LARGE1: variants seen among roughly 807,000 people sequenced by gnomAD.
The protein encoded by LARGE1 is xylosyl- and glucuronyltransferase LARGE1.
A neutral mutation model predicts 87.6 loss-of-function variants in LARGE1; 43 were observed. The ratio of observed to expected loss-of-function variants is 0.49; its 90% CI spans 0.38 to 0.63. The LOEUF (loss-of-function observed/expected upper bound fraction) is 0.63. Among genes scored for constraint, LARGE1 ranks in the 30% least tolerant of loss-of-function variants. LARGE1 has a pLI of 0.00. For missense variants in LARGE1, 802 were observed against 1,000.2 expected (o/e 0.80, Z 2.67); for synonymous variants, 434 against 394.6 (o/e 1.10, Z -1.18).
chr22:33,326,318 T>A (rs897331461), intron 10 of LARGE1, among the ~76,000 whole-genome samples: 2 of 152,204 alleles, frequency 1.3e-5, no homozygotes, highest in African/African-American at 4.8e-5. Flanking sequence ...TGCCAAGTCT[T>A]GTGCTAGGAA....
intron 1 of LARGE1, among the ~76,000 whole-genome samples, chr22:33,837,418 A>G (rs2146381846): frequency 6.6e-6 from 1 of 152,246 alleles, no homozygotes; most frequent in Non-Finnish European, 1.5e-5. Context: ...CTGCAACATT[A>G]CGAATTTTTT....
intron 2 of LARGE1, chr22:33,743,060 CG>C (rs769348824): frequency 3.3e-5 from 5 of 152,040 alleles, no homozygotes; most frequent in Non-Finnish European, 7.3e-5. Context: ...GGCACCTCCC[CG>C]TATTCTCTCT....
chr22:33,856,339 TG>T (rs1673833062), intron 1 of LARGE1, among the ~76,000 whole-genome samples: 1 of 151,772 alleles, frequency 6.6e-6, no homozygotes, highest in Admixed American at 6.6e-5. Flanking sequence ...GGGTGGGTGG[TG>T]GGTCTAAGCA....
At position 33,463,473 on chromosome 22, in the gene LARGE1, A is replaced by G. The variant is rs532426762; in HGVS notation, c.788-31208T>C. Among the ~76,000 whole-genome samples the G allele has an allele frequency of 8.5e-5, 13 of 152,326 alleles. No individual in the cohort carries two copies. In the South Asian group the frequency reaches 2.7e-3, roughly 32 times the overall value. On this transcript the variant is annotated intron_variant, in intron 6 of 14. Transcript: ENST00000397394. ...GATATTAAAGAACAAATAAAATAAT[A>G]ACAAATCAGGTTTATAGATAGGAAG...
intron 4 of LARGE1, among the ~76,000 whole-genome samples, chr22:33,621,370 A>G (rs1484541078): frequency 1.3e-5 from 2 of 152,202 alleles, no homozygotes; most frequent in Admixed American, 6.5e-5. Context: ...CAGCGTTGGC[A>G]TTAGTGTGCA....
the LARGE1 span, among the ~76,000 whole-genome samples, chr22:33,099,083 C>T: frequency 3.1e-3 from 475 of 152,228 alleles, 4 homozygotes; most frequent in African/African-American, 0.011. Context: ...CTGTTTCTCT[C>T]CTCTTAATCT....
At chr22:33,079,221 CT>C in the LARGE1 span, among the ~76,000 whole-genome samples, 5,214 of 85,728 alleles carry the variant, frequency 0.061, 317 homozygotes, top group African/African-American at 0.22. Flanking sequence ...AGTTATCATT[CT>C]TTTTTTTTTT....
chr22:33,679,542 T>C (rs1197126011), intron 2 of LARGE1, among the ~76,000 whole-genome samples: 3 of 151,966 alleles, frequency 2.0e-5, no homozygotes, highest in Admixed American at 2.0e-4. Context: ...GCCAAAGAAC[T>C]ATCAGAAGTT....
At chr22:33,636,729 G>A (rs944127123) in intron 3 of LARGE1, among the ~76,000 whole-genome samples, 4 of 151,570 alleles carry the variant, frequency 2.6e-5, no homozygotes, top group African/African-American at 4.9e-5. Flanking sequence ...ATGGGGTCTC[G>A]CTATGTTGCC....
intron 11 of LARGE1, among the ~76,000 whole-genome samples, chr22:33,210,074 G>A (rs9609747): frequency 0.016 from 2,373 of 152,316 alleles, 24 homozygotes; most frequent in Non-Finnish European, 0.025. Context: ...CCAGGCATCA[G>A]TTTTTTTAAA....
intron 11 of LARGE1, among the ~76,000 whole-genome samples, chr22:33,167,609 A>C (rs1447377553): frequency 6.6e-6 from 1 of 152,202 alleles, no homozygotes; most frequent in East Asian, 1.9e-4. Context: ...TCGAGATTCA[A>C]AGAAGTAATC....
At chr22:33,901,347 C>T (rs1268550260) in intron 1 of LARGE1, among the ~76,000 whole-genome samples, 1 of 152,160 alleles carries the variant, frequency 6.6e-6, no homozygotes, top group African/African-American at 2.4e-5. Flanking sequence ...GCACGTGGTA[C>T]ATTGTTACGG....
chr22:33,638,757 T>C (rs2080343904), intron 3 of LARGE1, among the ~76,000 whole-genome samples: 1 of 152,258 alleles, frequency 6.6e-6, no homozygotes, highest in South Asian at 2.1e-4. Context: ...AGATATTTTA[T>C]GTAAAGCTCT....
At chr22:33,908,988 T>G (rs2065541873) in intron 1 of LARGE1, among the ~76,000 whole-genome samples, 2 of 152,188 alleles carry the variant, frequency 1.3e-5, no homozygotes, top group Non-Finnish European at 1.5e-5. Context: ...TTTTCTCTAT[T>G]ATACCCCTTA....
intron 10 of LARGE1, among the ~76,000 whole-genome samples, chr22:33,325,031 T>C (rs1458010518): frequency 6.6e-6 from 1 of 152,238 alleles, no homozygotes; most frequent in African/African-American, 2.4e-5. Context: ...CTGAAAGGTT[T>C]AGCCATTGCT....
chr22:33,698,165 A>G (rs2267263), intron 2 of LARGE1, among the ~76,000 whole-genome samples: 30,044 of 151,992 alleles, frequency 0.2, 3,038 homozygotes, highest in South Asian at 0.25. Flanking sequence ...CTCTCTCTCC[A>G]AGGTTCAAGT....
intron 1 of LARGE1, among the ~76,000 whole-genome samples, chr22:33,786,152 T>C (rs1283584244): frequency 6.6e-6 from 1 of 152,186 alleles, no homozygotes; most frequent in Non-Finnish European, 1.5e-5. Context: ...TAGGGCACAG[T>C]ATTCAGGTGC....
intron 2 of LARGE1, among the ~76,000 whole-genome samples, chr22:33,709,040 C>A (rs1163157477): frequency 6.6e-6 from 1 of 152,132 alleles, no homozygotes; most frequent in African/African-American, 2.4e-5. Flanking sequence ...TAGGGCCTAC[C>A]ATAATGACCT....
rs566533543 is a variant in LARGE1 at position 33,850,535 on chromosome 22, T to C, written c.-83+69460A>G. On this transcript the variant is annotated intron_variant, in intron 1 of 14. Coordinates refer to ENST00000397394, the MANE Select transcript of LARGE1 (RefSeq NM_133642.5). ...CAACACCCACAAATGCTGAATCCAG[T>C]GTCCAGCATATAACAAACACCTAAT... 2.0e-5 allele frequency among the ~76,000 whole-genome samples: 3 copies of C among 152,338 alleles called. No homozygotes were observed. The South Asian group carries it at 6.2e-4, about 32-fold the overall frequency.
Sources: gnomAD v4.1 joint callset for allele counts (sites outside exome capture counted in the v4.1 genomes callset) on GRCh38, gnomAD v4.1.1 for gene constraint, MANE v1.5 for transcripts, NCBI Gene and HGNC (gene_info 2026-07-23, HGNC 2026-07-21) for gene names.